The following NUMB variants were observed in gnomAD, a reference collection of about 807,000 sequenced individuals.
NUMB encodes protein numb homolog.
NUMB carries 29 observed loss-of-function variants against 59.7 expected under a neutral mutation model. That is an observed-to-expected ratio of 0.49 (90% confidence interval 0.36 to 0.66). NUMB has a LOEUF of 0.66. NUMB is among the 30% of genes least tolerant of loss of function. The pLI is 0.00. For missense variants in NUMB, 723 were observed against 822.0 expected (o/e 0.88, Z 1.47); for synonymous variants, 288 against 288.2 (o/e 1.00, Z 0.01).
At chr14:73,375,127 T>C (rs759416716) in intron 2 of NUMB, among the ~76,000 whole-genome samples, 30 of 152,332 alleles carry the variant, frequency 2.0e-4, no homozygotes, top group Middle Eastern at 3.4e-3. Flanking sequence ...CAAGTCACAC[T>C]ATCATTTCCT....
intron 2 of NUMB, among the ~76,000 whole-genome samples, chr14:73,401,610 C>T (rs148011511): frequency 0.02 from 2,866 of 145,552 alleles, 95 homozygotes; most frequent in African/African-American, 0.071. Flanking sequence ...CGCTCTGTCG[C>T]CCAGGCTGGA....
chr14:73,356,502 G>T (rs1851596409), intron 3 of NUMB, among the ~76,000 whole-genome samples: 1 of 152,096 alleles, frequency 6.6e-6, no homozygotes, highest in Admixed American at 6.6e-5. Context: ...AATTAGCCAG[G>T]TGTGGTGGTG....
At chr14:73,355,398 T>C (rs993754841) in intron 4 of NUMB, among the ~76,000 whole-genome samples, 3 of 152,228 alleles carry the variant, frequency 2.0e-5, no homozygotes, top group Non-Finnish European at 4.4e-5. Context: ...CCACATTATA[T>C]AGAGAAATTC....
chr14:73,380,961 G>A (rs1338063245), intron 2 of NUMB, among the ~76,000 whole-genome samples: 1 of 152,094 alleles, frequency 6.6e-6, no homozygotes, highest in Non-Finnish European at 1.5e-5. Context: ...AACCTCAAGT[G>A]ATCTGCCCAC....
chr14:73,311,200 C>T (rs1195543884), intron 6 of NUMB, among the ~76,000 whole-genome samples: 6 of 152,006 alleles, frequency 3.9e-5, no homozygotes, highest in African/African-American at 4.8e-5. Context: ...GGATTACAGG[C>T]GCCTGCCATC....
intron 2 of NUMB, among the ~76,000 whole-genome samples, chr14:73,373,725 T>TTAA (rs1894813282): frequency 1.4e-5 from 2 of 145,792 alleles, no homozygotes; most frequent in African/African-American, 2.6e-5. Context: ...TTTTTTTTTT[T>TTAA]AAAGACAGGG....
Position 73,283,391 on chromosome 14 carries a change from A to T in NUMB, c.949+690T>A, listed in dbSNP as rs143494183. 6.9e-3 allele frequency among the ~76,000 whole-genome samples: 1,040 copies of T among 151,450 alleles called. 4 individuals are homozygous for T. The highest frequency in any genetic ancestry group is 0.03 in the South Asian group (143 of 4,788). On this transcript the variant is annotated intron_variant, in intron 10 of 12. Coordinates refer to ENST00000555238, the MANE Select transcript of NUMB (RefSeq NM_001005743.2). ...AGTTTCCTCATATTTTGTTATAGCA[A>T]TGGCTTGACATGTCTCAGAGGGAAG... is the stretch of plus-strand genomic sequence containing the variant.
intron 7 of NUMB, among the ~76,000 whole-genome samples, chr14:73,295,584 G>C (rs1442289145): frequency 6.6e-6 from 1 of 152,094 alleles, no homozygotes; most frequent in Non-Finnish European, 1.5e-5. Flanking sequence ...AGTATGCAAT[G>C]TAATAAGGTC....
rs554752551 is a variant in NUMB, at chr14:73,316,848, T to C, written c.202-426A>G. ...CCATATACATTTTTTAAGTTTAAAATTGGCGGTCAACTATGTGAAAGTCAC... is the reference window on the plus strand; with the variant it reads ...CCATATACATTTTTTAAGTTTAAAACTGGCGGTCAACTATGTGAAAGTCAC... On this transcript the variant is annotated intron_variant, in intron 5 of 12. Transcript: ENST00000555238. Among the ~76,000 whole-genome samples the C allele has an allele frequency of 7.9e-5, 12 of 152,310 alleles. No individual in the cohort carries two copies. The East Asian group carries it at 1.9e-3, about 24-fold the overall frequency.
At chr14:73,341,219 G>A (rs1892613889) in intron 4 of NUMB, among the ~76,000 whole-genome samples, 1 of 152,202 alleles carries the variant, frequency 6.6e-6, no homozygotes, top group Non-Finnish European at 1.5e-5. Flanking sequence ...AAGTTTGAAG[G>A]TAAGAGAGTA....
chr14:73,363,600 G>A (rs542871950), intron 3 of NUMB, among the ~76,000 whole-genome samples: 332 of 152,198 alleles, frequency 2.2e-3, no homozygotes, highest in African/African-American at 7.6e-3. Context: ...AACCAACTAA[G>A]GACAAGAAAT....
In NUMB at chr14:73,299,549, T is replaced by C. The variant is rs146607621; in HGVS notation, c.235-2264A>G. On this transcript the variant is annotated intron_variant, in intron 6 of 12. Transcript: ENST00000555238. ...ATAATATGTATATATATGTCATATATGTATCATATATGTCATATATATGAC... is the reference window on the plus strand; with the variant it reads ...ATAATATGTATATATATGTCATATACGTATCATATATGTCATATATATGAC... 2.2e-4 allele frequency among the ~76,000 whole-genome samples: 26 copies of C among 116,686 alleles called. No homozygotes were observed. The East Asian group carries it at 5.6e-3, about 25-fold the overall frequency. 76.6% of individuals were successfully genotyped at this position (116,686 alleles called of 152,430 possible). A position where few individuals can be genotyped will look rare whatever the true frequency, so the allele number is the denominator to read the frequency against.
At chr14:73,436,568 T>C (rs1168087102) in intron 1 of NUMB, among the ~76,000 whole-genome samples, 3 of 152,212 alleles carry the variant, frequency 2.0e-5, no homozygotes, top group East Asian at 1.9e-4. Flanking sequence ...TCCGCCCACC[T>C]TGGGCTCCCA....
chr14:73,356,345 C>A (rs569552026), intron 3 of NUMB, among the ~76,000 whole-genome samples: 1 of 152,146 alleles, frequency 6.6e-6, no homozygotes, highest in Non-Finnish European at 1.5e-5. Context: ...ATAAAGTTTT[C>A]TTTAAACACA....
intron 4 of NUMB, among the ~76,000 whole-genome samples, chr14:73,341,443 T>C (rs1029369467): frequency 1.3e-5 from 2 of 152,132 alleles, no homozygotes; most frequent in Admixed American, 1.3e-4. Context: ...ATGGGTAAAT[T>C]AAGAGTAGTC....
In NUMB at chr14:73,444,292, G is replaced by A. The variant is rs867652728; in HGVS notation, c.-233+14201C>T. Among the ~76,000 whole-genome samples, 48 of 151,104 alleles carry A rather than the reference G, an allele frequency of 3.2e-4. 1 individual carries two copies. In the Middle Eastern group the frequency reaches 0.014, roughly 44 times the overall value. On this transcript the variant is annotated intron_variant, in intron 1 of 12. Coordinates refer to ENST00000555238, the MANE Select transcript of NUMB (RefSeq NM_001005743.2). ...CATGCACCTGTGGTCCCAGCTACTC[G>A]GGAGGCTGAGGCAGGAGAATTGCTT...
At chr14:73,457,981 A>C (rs1392102387) in intron 1 of NUMB, 2 of 148,524 alleles carry the variant, frequency 1.3e-5, no homozygotes, top group African/African-American at 2.5e-5. Flanking sequence ...GACCGGGGCC[A>C]CTCCCAGTTC....
chr14:73,365,520 C>T (rs1279328542), intron 3 of NUMB, among the ~76,000 whole-genome samples: 1 of 151,834 alleles, frequency 6.6e-6, no homozygotes, highest in African/African-American at 2.4e-5. Context: ...GTAGTAATAC[C>T]AGCACTTTGG....
intron 11 of NUMB, among the ~76,000 whole-genome samples, chr14:73,280,279 A>C (rs1260156049): frequency 1.3e-5 from 2 of 151,926 alleles, no homozygotes; most frequent in Non-Finnish European, 2.9e-5. Flanking sequence ...TATCTCAAAA[A>C]CCCTACGAGT....
Sources: allele counts gnomAD v4.1 joint callset (sites outside exome capture counted in the v4.1 genomes callset), GRCh38; gene constraint gnomAD v4.1.1; transcripts MANE v1.5; gene names NCBI Gene and HGNC (gene_info 2026-07-23, HGNC 2026-07-21).